The following SLC7A5 variants were observed in gnomAD, a reference collection of about 807,000 sequenced individuals.
The protein encoded by SLC7A5 is solute carrier family 7 member 5.
In SLC7A5, 23 loss-of-function variants were observed where a neutral mutation model predicts 50.2. That is an observed-to-expected ratio of 0.46 (90% confidence interval 0.33 to 0.65). SLC7A5 has a LOEUF of 0.65. Among genes scored for constraint, SLC7A5 ranks in the 30% least tolerant of loss-of-function variants. The pLI is 0.02. For missense variants in SLC7A5, 578 were observed against 684.4 expected, an observed-to-expected ratio of 0.84 and a Z score of 1.73; for synonymous variants, 393 against 330.6, an observed-to-expected ratio of 1.19 and a Z score of -2.05.
At position 87,841,345 on chromosome 16, in the gene SLC7A5, G is replaced by A. The variant is rs1302263652; in HGVS notation, c.665-190C>T. Among the ~76,000 whole-genome samples the A allele has an allele frequency of 6.6e-6, 1 of 152,188 alleles. No individual in the cohort carries two copies. Among genetic ancestry groups the A allele is most frequent in the African/African-American group, 2.4e-5 (1 of 41,454 alleles). On this transcript the variant is annotated intron_variant, in intron 2 of 9. Coordinates refer to ENST00000261622, the MANE Select transcript of SLC7A5 (RefSeq NM_003486.7). The surrounding 1 kb of genome is among the most constrained non-coding windows in gnomAD (Gnocchi z 4.8). Reference sequence around the variant, plus strand: ...TGCAGGGTTCCAACCACAACCAGGGGGATGTGGCCCTGCCAGAGGCCCTGT... The same window carrying A: ...TGCAGGGTTCCAACCACAACCAGGGAGATGTGGCCCTGCCAGAGGCCCTGT...
chr16:87,844,335 G>C (rs1179585850), intron 2 of SLC7A5, among the ~76,000 whole-genome samples: 1 of 152,224 alleles, frequency 6.6e-6, no homozygotes, highest in East Asian at 1.9e-4. Flanking sequence ...CCCCGAGAGC[G>C]GGGTAATTGC....
chr16:87,852,133 G>A lies in SLC7A5; in HGVS notation c.539-284C>T, dbSNP rs532708578. On this transcript the variant is annotated intron_variant, in intron 1 of 9. Coordinates refer to ENST00000261622, the MANE Select transcript of SLC7A5 (RefSeq NM_003486.7). This position sits in a 1 kb window ranked among gnomAD's most constrained non-coding sequence, Gnocchi z 4.5. The stretch of plus-strand genomic sequence containing the variant: ...ACCCCCCACCACACCAGGCCATGGA[G>A]TCCCACCTGTAGTCAGGACTTCAAG... Among the ~76,000 whole-genome samples, 21 of 152,292 alleles carry A rather than the reference G, an allele frequency of 1.4e-4. No individual in the cohort carries two copies. The highest frequency in any genetic ancestry group is 5.1e-4 in the African/African-American group (21 of 41,564).
intron 1 of SLC7A5, among the ~76,000 whole-genome samples, chr16:87,855,192 C>T (rs2055300295): frequency 6.6e-6 from 1 of 152,238 alleles, no homozygotes; most frequent in African/African-American, 2.4e-5. Context: ...TCCCACTGCT[C>T]TCGCCACGTG....
At position 87,832,926 on chromosome 16, in the gene SLC7A5, C is replaced by T. The variant is rs776625917; in HGVS notation, c.*44G>A. 3.2e-6 allele frequency: 5 copies of T among 1,540,424 alleles called. No individual in the cohort carries two copies. The highest frequency in any genetic ancestry group is 1.7e-4 in the Middle Eastern group (1 of 5,934). On this transcript the variant is annotated 3_prime_UTR_variant, in exon 10 of 10. Transcript: ENST00000261622. This position sits in a 1 kb window ranked among gnomAD's most constrained non-coding sequence, Gnocchi z 4.6. ...GGTTCGAGGAGGTGATCTACTTTAA[C>T]TGGCCTCTGCGCATGCTCCTCCGGC...
rs749613405 is a variant in SLC7A5 at position 87,852,114 on chromosome 16, C to G, written c.539-265G>C. 6.6e-6 allele frequency among the ~76,000 whole-genome samples: 1 copy of G among 152,190 alleles called. No homozygotes were observed. Among genetic ancestry groups the G allele is most frequent in the Non-Finnish European group, 1.5e-5 (1 of 68,026 alleles). On this transcript the variant is annotated intron_variant, in intron 1 of 9. Transcript: ENST00000261622. The surrounding 1 kb of genome is among the most constrained non-coding windows in gnomAD (Gnocchi z 4.5). ...CTGCAAGGGACCTTTCCTCACCCCC[C>G]ACCACACCAGGCCATGGAGTCCCAC... is the stretch of plus-strand genomic sequence containing the variant.
Position 87,839,795 on chromosome 16 carries a change from C to T in SLC7A5, c.846G>A (p.Leu282=). 2 of 1,613,912 alleles carry T rather than the reference C, an allele frequency of 1.2e-6. No homozygotes were observed. Among genetic ancestry groups the T allele is most frequent in the Non-Finnish European group, 1.7e-6 (2 of 1,179,978 alleles). ...RNLPLAIIIS[L]PIVTLVYVLT... ...GCACGTACACCAGCGTCACGATGGG[C>T]AGGGAGATGATGATGGCCAGGGGCA... Residue 282 remains leucine, a synonymous_variant, in exon 5 of 10, where the codon CTG becomes CTA. Coordinates refer to ENST00000261622, the MANE Select transcript of SLC7A5 (RefSeq NM_003486.7).
chr16:87,831,634 A>T lies in SLC7A5; in HGVS notation c.*1336T>A, dbSNP rs1288840193. On this transcript the variant is annotated 3_prime_UTR_variant, in exon 10 of 10. Transcript: ENST00000261622. Reference sequence around the variant, plus strand: ...AGGGAAGCCCGGGGCCTGAGAAGGCAGAGCCCCCCGAGCTCAGGAGGGATC... The same window carrying T: ...AGGGAAGCCCGGGGCCTGAGAAGGCTGAGCCCCCCGAGCTCAGGAGGGATC... 3 of 150,254 alleles carry T rather than the reference A, an allele frequency of 2.0e-5. No homozygotes were observed. The highest frequency in any genetic ancestry group is 2.0e-4 in the East Asian group (1 of 4,946). The allele number at this position is 150,254 out of a possible 1,614,324, so 9.3% of individuals were successfully genotyped here.
At position 87,841,683 on chromosome 16, in the gene SLC7A5, C is replaced by T. The variant is rs546450179; in HGVS notation, c.665-528G>A. ...GCAAGAACATAGGTTTGTCCTGGAC[C>T]GTGCTGAGTGTGTGGCCAGCTGCAG... On this transcript the variant is annotated intron_variant, in intron 2 of 9. Transcript: ENST00000261622. The surrounding 1 kb of genome is among the most constrained non-coding windows in gnomAD (Gnocchi z 4.8). 2.0e-5 allele frequency among the ~76,000 whole-genome samples: 3 copies of T among 152,286 alleles called. No homozygotes were observed. Among genetic ancestry groups the T allele is most frequent in the Non-Finnish European group, 4.4e-5 (3 of 68,020 alleles).
intron 2 of SLC7A5, among the ~76,000 whole-genome samples, chr16:87,849,105 CG>C (rs1414392843): frequency 6.6e-6 from 1 of 152,216 alleles, no homozygotes; most frequent in Non-Finnish European, 1.5e-5. Flanking sequence ...TCTCCAGACC[CG>C]GAAAGGGCCA....
At chr16:87,854,078 C>A (rs796505683) in intron 1 of SLC7A5, 1 of 137,920 alleles carries the variant, frequency 7.3e-6, no homozygotes, top group Non-Finnish European at 1.6e-5. Context: ...CCCCGCCCCC[C>A]CCCCCACCGC....
rs1597508887 is a variant in SLC7A5 at position 87,853,861 on chromosome 16, A to T, written c.539-2012T>A. Reference sequence around the variant, plus strand: ...ACGCTGCCACCACTGAACTCCAGACACCAGACAGGCGCTGCGGAGACACTG... The same window carrying T: ...ACGCTGCCACCACTGAACTCCAGACTCCAGACAGGCGCTGCGGAGACACTG... On this transcript the variant is annotated intron_variant, in intron 1 of 9. Transcript: ENST00000261622. This position sits in a 1 kb window ranked among gnomAD's most constrained non-coding sequence, Gnocchi z 4.4. 1 of 152,070 alleles carries T rather than the reference A, an allele frequency of 6.6e-6. No homozygotes were observed. The highest frequency in any genetic ancestry group is 6.5e-5 in the Admixed American group (1 of 15,280). 9.4% of individuals were successfully genotyped at this position (152,070 alleles called of 1,614,324 possible). A position where few individuals can be genotyped will look rare whatever the true frequency, so the allele number is the denominator to read the frequency against.
At chr16:87,840,568 C>T (rs1331751096) in intron 3 of SLC7A5, 95 bp from the exon 4 acceptor site, 3 of 1,089,444 alleles carry the variant, frequency 2.8e-6, no homozygotes, top group South Asian at 2.5e-5. Flanking sequence ...GGTGAGCCTG[C>T]CCCCCGGTGG....
chr16:87,867,340 G>A (rs936424596), intron 1 of SLC7A5, among the ~76,000 whole-genome samples: 1 of 152,124 alleles, frequency 6.6e-6, no homozygotes, highest in Non-Finnish European at 1.5e-5. Flanking sequence ...AAATTCTAAT[G>A]ACAAAAAAAG....
intron 1 of SLC7A5, among the ~76,000 whole-genome samples, chr16:87,867,104 G>A (rs1409745062): frequency 1.3e-5 from 2 of 152,056 alleles, no homozygotes; most frequent in African/African-American, 2.4e-5. Context: ...ATTTTTAGTA[G>A]AGATGGGGTT....
intron 2 of SLC7A5, 139 bp downstream of exon 2, chr16:87,851,585 C>G: frequency 8.7e-7 from 1 of 1,143,178 alleles, no homozygotes; most frequent in Non-Finnish European, 1.2e-6. Flanking sequence ...GGTGATTTTC[C>G]CAGAGGGAAA....
chr16:87,836,684 C>T (rs1454425684), intron 7 of SLC7A5, 37 bp from the exon 8 acceptor site: 1 of 1,607,250 alleles, frequency 6.2e-7, no homozygotes, highest in South Asian at 1.1e-5. Flanking sequence ...CCCTGGGGCC[C>T]ACGAGCAGGG....
Position 87,853,193 on chromosome 16 carries a change from A to G in SLC7A5, c.539-1344T>C, listed in dbSNP as rs1273540012. On this transcript the variant is annotated intron_variant, in intron 1 of 9. Transcript: ENST00000261622. This position sits in a 1 kb window ranked among gnomAD's most constrained non-coding sequence, Gnocchi z 4.4. ...CCAGTGGCTTTTCCCCAGCTGAACA[A>G]ATCCTGTGGAATCTTACAATGTAAG... 6.6e-6 allele frequency among the ~76,000 whole-genome samples: 1 copy of G among 152,234 alleles called. No individual in the cohort carries two copies. Among genetic ancestry groups the G allele is most frequent in the Non-Finnish European group, 1.5e-5 (1 of 68,032 alleles).
In SLC7A5 at chr16:87,857,855, A is replaced by G. The variant is rs113374813; in HGVS notation, c.539-6006T>C. 1.3e-3 allele frequency among the ~76,000 whole-genome samples: 204 copies of G among 152,292 alleles called. 1 individual carries two copies. Among genetic ancestry groups the G allele is most frequent in the African/African-American group, 4.5e-3 (186 of 41,564 alleles). ...AACCGGGGCTGAGTTACGCCCAACC[A>G]CACTGTCCTGGCTGGCACGGGGGAG... is the stretch of plus-strand genomic sequence containing the variant. On this transcript the variant is annotated intron_variant, in intron 1 of 9. Coordinates refer to ENST00000261622, the MANE Select transcript of SLC7A5 (RefSeq NM_003486.7).
chr16:87,839,694 C>T lies in SLC7A5; in HGVS notation c.939+8G>A, dbSNP rs1378637108. 22 of 1,612,938 alleles carry T rather than the reference C, an allele frequency of 1.4e-5. No homozygotes were observed. Among genetic ancestry groups the T allele is most frequent in the South Asian group, 1.3e-4 (12 of 91,072 alleles). Reference sequence around the variant, plus strand: ...GCCCCTGGTGGAAGCTGGCGGGTAGCGGCTCACCACGGCCACGGCCTCGGA... The same window carrying T: ...GCCCCTGGTGGAAGCTGGCGGGTAGTGGCTCACCACGGCCACGGCCTCGGA... On this transcript the variant is annotated splice_region_variant and intron_variant, in intron 5 of 9. Coordinates refer to ENST00000261622, the MANE Select transcript of SLC7A5 (RefSeq NM_003486.7).
Sources: gnomAD v4.1 joint callset for allele counts (sites outside exome capture counted in the v4.1 genomes callset) on GRCh38, gnomAD v4.1.1 for gene constraint, Gnocchi (gnomAD v3.1) non-coding constraint, MANE v1.5 for transcripts, NCBI Gene and HGNC (gene_info 2026-07-23, HGNC 2026-07-21) for gene names.